The following SPATA16 variants were observed in gnomAD, a reference collection of about 807,000 sequenced individuals.
SPATA16 encodes spermatogenesis associated 16, also known as spermatogenesis-associated protein 16.
A neutral mutation model predicts 63.3 loss-of-function variants in SPATA16; 36 were observed. The observed-to-expected ratio is 0.57, with a 90% CI of 0.44 to 0.75. SPATA16 has a LOEUF of 0.75. Among genes scored for constraint, SPATA16 ranks in the 30% least tolerant of loss-of-function variants. The pLI is 0.00. For missense variants in SPATA16, 646 were observed against 679.3 expected (o/e 0.95, Z 0.54); for synonymous variants, 203 against 216.7 (o/e 0.94, Z 0.56).
chr3:172,908,456 A>G (rs1435323043), intron 10 of SPATA16, among the ~76,000 whole-genome samples: 3 of 152,248 alleles, frequency 2.0e-5, no homozygotes, highest in African/African-American at 7.2e-5. Flanking sequence ...TCTGTAAAGA[A>G]TATATTTCCA....
chr3:173,078,540 A>T (rs1353456253), intron 2 of SPATA16, among the ~76,000 whole-genome samples: 1 of 152,192 alleles, frequency 6.6e-6, no homozygotes, highest in Non-Finnish European at 1.5e-5. Context: ...AGTTGCTGCC[A>T]CATCATATTG....
chr3:172,996,631 A>G (rs542440701), intron 4 of SPATA16, among the ~76,000 whole-genome samples: 15 of 152,106 alleles, frequency 9.9e-5, no homozygotes, highest in Non-Finnish European at 1.9e-4. Flanking sequence ...ATTTGTTACA[A>G]TTGATGACTT....
intron 2 of SPATA16, among the ~76,000 whole-genome samples, chr3:173,108,234 A>G (rs1312360628): frequency 1.3e-5 from 2 of 152,140 alleles, no homozygotes; most frequent in South Asian, 2.1e-4. Context: ...TTCAGTATCA[A>G]TCTATTTTTT....
chr3:172,997,171 A>G (rs982219701), intron 4 of SPATA16, among the ~76,000 whole-genome samples: 3 of 152,156 alleles, frequency 2.0e-5, no homozygotes, highest in African/African-American at 7.2e-5. Context: ...GTTGGATTCT[A>G]TGGTAAGAAT....
intron 2 of SPATA16, among the ~76,000 whole-genome samples, chr3:173,103,350 A>G (rs1335842677): frequency 3.3e-5 from 5 of 152,224 alleles, no homozygotes; most frequent in Admixed American, 6.5e-5. Context: ...GCACTGCCCT[A>G]GCAGAGCATC....
chr3:173,055,302 A>T (rs939826987), intron 2 of SPATA16, among the ~76,000 whole-genome samples: 1 of 152,230 alleles, frequency 6.6e-6, no homozygotes, highest in Non-Finnish European at 1.5e-5. Context: ...AGACATTCTT[A>T]TATTCACACA....
chr3:173,082,623 C>T (rs778134081), intron 2 of SPATA16, among the ~76,000 whole-genome samples: 3 of 152,200 alleles, frequency 2.0e-5, no homozygotes, highest in Non-Finnish European at 4.4e-5. Context: ...GCAGGGAATT[C>T]GAGTATCCCT....
Position 172,977,063 on chromosome 3 carries a change from G to C in SPATA16, c.849-11C>G, listed in dbSNP as rs1176969238. On this transcript the variant is annotated splice_polypyrimidine_tract_variant and intron_variant, in intron 4 of 10. Coordinates refer to ENST00000351008, the MANE Select transcript of SPATA16 (RefSeq NM_031955.6). ...GCAATCATGGCACTCCTAAGAACAAGGACAGATTAAAAAAAAAACAAAAAC... is the reference window on the plus strand; with the variant it reads ...GCAATCATGGCACTCCTAAGAACAACGACAGATTAAAAAAAAAACAAAAAC... 6.2e-7 allele frequency: 1 copy of C among 1,604,940 alleles called. No individual in the cohort carries two copies. The highest frequency in any genetic ancestry group is 8.5e-7 in the Non-Finnish European group (1 of 1,177,692).
chr3:173,113,539 G>A (rs1436078650), intron 2 of SPATA16, among the ~76,000 whole-genome samples: 1 of 152,104 alleles, frequency 6.6e-6, no homozygotes, highest in Non-Finnish European at 1.5e-5. Context: ...AAAGTTGACA[G>A]GTTTTTGGAA....
At chr3:173,010,254 C>T (rs1735036231) in intron 4 of SPATA16, among the ~76,000 whole-genome samples, 1 of 152,194 alleles carries the variant, frequency 6.6e-6, no homozygotes, top group Non-Finnish European at 1.5e-5. Context: ...GTGCCCCCCT[C>T]TGTTGCCCCC....
rs563638627 is a variant in SPATA16 at position 172,937,657 on chromosome 3, G to A, written c.1082-12165C>T. Among the ~76,000 whole-genome samples the A allele has an allele frequency of 1.1e-4, 16 of 152,234 alleles. 1 individual carries two copies. Among genetic ancestry groups the A allele is most frequent in the African/African-American group, 9.6e-5 (4 of 41,546 alleles). Reference sequence around the variant, plus strand: ...TCCACATTGAGGGGTGGGCAAAACCGAGAAACTACTAAAACTAGGGGGTAG... The same window carrying A: ...TCCACATTGAGGGGTGGGCAAAACCAAGAAACTACTAAAACTAGGGGGTAG... On this transcript the variant is annotated intron_variant, in intron 6 of 10. Coordinates refer to ENST00000351008, the MANE Select transcript of SPATA16 (RefSeq NM_031955.6).
At chr3:173,025,097 A>G (rs577447289) in intron 3 of SPATA16, among the ~76,000 whole-genome samples, 9 of 151,198 alleles carry the variant, frequency 6.0e-5, no homozygotes, top group African/African-American at 2.2e-4. Flanking sequence ...TTTTATTACA[A>G]TGTAAATAGA....
intron 4 of SPATA16, among the ~76,000 whole-genome samples, chr3:172,979,883 G>C (rs1222642255): frequency 6.6e-6 from 1 of 152,146 alleles, no homozygotes; most frequent in East Asian, 1.9e-4. Flanking sequence ...ATTTCCTAAA[G>C]CTCCATATTA....
At chr3:173,012,195 A>G (rs1735089523) in intron 4 of SPATA16, among the ~76,000 whole-genome samples, 1 of 152,196 alleles carries the variant, frequency 6.6e-6, no homozygotes, top group South Asian at 2.1e-4. Flanking sequence ...ATAACCACAC[A>G]TACAAAAATG....
intron 2 of SPATA16, among the ~76,000 whole-genome samples, chr3:173,068,805 C>T (rs185825718): frequency 8.8e-4 from 123 of 139,056 alleles, no homozygotes; most frequent in African/African-American, 1.4e-3. Flanking sequence ...GCAAACCAAA[C>T]CCCAAATTAG....
chr3:172,977,564 C>T (rs1005766992), intron 4 of SPATA16, among the ~76,000 whole-genome samples: 1 of 152,040 alleles, frequency 6.6e-6, no homozygotes, highest in South Asian at 2.1e-4. Flanking sequence ...ATCCTCTCCC[C>T]ACAGATTTTT....
intron 4 of SPATA16, among the ~76,000 whole-genome samples, chr3:172,979,464 G>A (rs1002153237): frequency 6.6e-6 from 1 of 152,064 alleles, no homozygotes; most frequent in African/African-American, 2.4e-5. Flanking sequence ...AAGCTAAATT[G>A]ATAAGAATTT....
In SPATA16 at chr3:172,948,365, A is replaced by G. The variant is rs1432805017; in HGVS notation, c.1081+8312T>C. Among the ~76,000 whole-genome samples, 3 of 152,332 alleles carry G rather than the reference A, an allele frequency of 2.0e-5. 1 individual carries two copies. The East Asian group carries it at 5.8e-4, about 29-fold the overall frequency. On this transcript the variant is annotated intron_variant, in intron 6 of 10. Coordinates refer to ENST00000351008, the MANE Select transcript of SPATA16 (RefSeq NM_031955.6). ...TGAAGGAAAAAGTATTTTACCCTAGAATAGTGTATCTGGTAAAAATATCTT... is the reference window on the plus strand; with the variant it reads ...TGAAGGAAAAAGTATTTTACCCTAGGATAGTGTATCTGGTAAAAATATCTT...
intron 6 of SPATA16, among the ~76,000 whole-genome samples, chr3:172,951,252 C>T (rs62282598): frequency 0.07 from 10,582 of 151,698 alleles, 534 homozygotes; most frequent in Middle Eastern, 0.11. Context: ...TATTATAATA[C>T]GACTTTAAGA....
Sources: allele counts gnomAD v4.1 joint callset (sites outside exome capture counted in the v4.1 genomes callset), GRCh38; gene constraint gnomAD v4.1.1; transcripts MANE v1.5; gene names NCBI Gene and HGNC (gene_info 2026-07-23, HGNC 2026-07-21).